The following PTGER4 variants were observed in gnomAD, a reference collection of about 807,000 sequenced individuals.
PTGER4 encodes prostaglandin E receptor 4, also known as prostaglandin E2 receptor EP4 subtype.
A neutral mutation model predicts 33.2 loss-of-function variants in PTGER4; 11 were observed. The observed-to-expected ratio is 0.33, with a 90% confidence interval of 0.21 to 0.55. The LOEUF (loss-of-function observed/expected upper bound fraction) is 0.55, where lower values mean the gene tolerates loss of function less well. PTGER4 is among the 20% of genes least tolerant of loss of function. PTGER4 has a pLI of 0.92. For synonymous variants in PTGER4, 275 were observed against 281.5 expected, an observed-to-expected ratio of 0.98 and a Z score of 0.23; for missense variants, 481 against 650.2, an observed-to-expected ratio of 0.74 and a Z score of 2.83.
chr5:40,737,263 C>T, the PTGER4 span, among the ~76,000 whole-genome samples: 1 of 151,796 alleles, frequency 6.6e-6, no homozygotes, highest in East Asian at 1.9e-4. Flanking sequence ...TGCTACTGCA[C>T]TCCAGCCGCC....
the PTGER4 span, among the ~76,000 whole-genome samples, chr5:40,734,633 A>G: frequency 1.3e-5 from 2 of 152,344 alleles, no homozygotes; most frequent in African/African-American, 2.4e-5. Context: ...TTTACTCCCA[A>G]TTAGACTTCT....
intron 2 of PTGER4, among the ~76,000 whole-genome samples, chr5:40,690,464 T>C (rs1208156761): frequency 2.0e-5 from 3 of 152,266 alleles, no homozygotes; most frequent in Middle Eastern, 3.2e-3. Context: ...TGTTGACATA[T>C]CATTTCATTC....
chr5:40,735,347 G>A, the PTGER4 span, among the ~76,000 whole-genome samples: 1 of 152,120 alleles, frequency 6.6e-6, no homozygotes, highest in Non-Finnish European at 1.5e-5. Flanking sequence ...ATTTAGGTAT[G>A]AGATAACCCT....
chr5:40,738,534 A>AAATAC, the PTGER4 span, among the ~76,000 whole-genome samples: 33 of 135,376 alleles, frequency 2.4e-4, no homozygotes, highest in African/African-American at 6.8e-4. Flanking sequence ...AAATACAATA[A>AAATAC]AATACAATAA....
the PTGER4 span, among the ~76,000 whole-genome samples, chr5:40,726,308 G>A: frequency 6.6e-6 from 1 of 151,508 alleles, no homozygotes. Flanking sequence ...CCCAACTACT[G>A]ACTTTTAATT....
chr5:40,716,621 C>G, the PTGER4 span: 1 of 649,946 alleles, frequency 1.5e-6, no homozygotes, highest in African/African-American at 1.8e-5. Context: ...TCTTAATGTA[C>G]TAGAACACAA....
At chr5:40,744,493 T>TG in the PTGER4 span, among the ~76,000 whole-genome samples, 1 of 151,402 alleles carries the variant, frequency 6.6e-6, no homozygotes, top group Admixed American at 6.6e-5. Flanking sequence ...ACCAGTTTTT[T>TG]TTTTTTTTTT....
rs45511800 is a variant in PTGER4, at chr5:40,690,022, C to CA, written c.868-1748dup. On this transcript the variant is annotated intron_variant, in intron 2 of 2. Coordinates refer to ENST00000302472, the MANE Select transcript of PTGER4 (RefSeq NM_000958.3). ...AGTGGAATTAGAAGTAATATCTAGG[C>CA]AAAAAAAAATCATAATACTTTAAGA... 4.0e-3 allele frequency among the ~76,000 whole-genome samples: 600 copies of CA among 149,492 alleles called. 1 individual carries two copies. Among genetic ancestry groups the CA allele is most frequent in the Non-Finnish European group, 6.3e-3 (424 of 67,254 alleles).
At chr5:40,730,493 A>G in the PTGER4 span, 1 of 565,434 alleles carries the variant, frequency 1.8e-6, no homozygotes, top group African/African-American at 1.9e-5. Flanking sequence ...TTAAGTACAT[A>G]TAGTTCATTC....
At chr5:40,687,296 C>T (rs1052693343) in intron 2 of PTGER4, among the ~76,000 whole-genome samples, 10 of 152,200 alleles carry the variant, frequency 6.6e-5, no homozygotes, top group African/African-American at 2.4e-4. Flanking sequence ...CCGCCTGCCT[C>T]AGCCTCCCAA....
At chr5:40,696,789 G>T, downstream of PTGER4, 1 of 834,046 alleles carries the variant, frequency 1.2e-6, no homozygotes, top group South Asian at 5.5e-5. Context: ...TCTTGAGAAG[G>T]GGTGAAACAG....
At chr5:40,712,394 C>T in the PTGER4 span, among the ~76,000 whole-genome samples, 1 of 152,110 alleles carries the variant, frequency 6.6e-6, no homozygotes, top group Non-Finnish European at 1.5e-5. Context: ...AAAATAATGT[C>T]CCTCTCCTCT....
At chr5:40,739,242 G>C in the PTGER4 span, among the ~76,000 whole-genome samples, 1 of 152,102 alleles carries the variant, frequency 6.6e-6, no homozygotes, top group Admixed American at 6.5e-5. Flanking sequence ...TAGATTCTTT[G>C]CATTTCCACA....
chr5:40,685,438 A>G, intron 2 of PTGER4: 2 of 985,446 alleles, frequency 2.0e-6, no homozygotes, highest in Non-Finnish European at 2.4e-6. Context: ...ATGTCAGATG[A>G]GTGTGAAGCA....
At chr5:40,695,908 T>C (rs1020158821), downstream of PTGER4, among the ~76,000 whole-genome samples, 1 of 152,096 alleles carries the variant, frequency 6.6e-6, no homozygotes, top group African/African-American at 2.4e-5. Flanking sequence ...ATGGAACTGA[T>C]GCTGGGGACT....
the PTGER4 span, among the ~76,000 whole-genome samples, chr5:40,737,704 G>C: frequency 7.2e-5 from 11 of 152,010 alleles, no homozygotes; most frequent in Non-Finnish European, 1.3e-4. Context: ...GAACATTTTT[G>C]TCAATCCAAA....
chr5:40,722,788 C>T, the PTGER4 span, among the ~76,000 whole-genome samples: 4 of 151,472 alleles, frequency 2.6e-5, no homozygotes, highest in South Asian at 2.1e-4. Flanking sequence ...GGGCAGCCCC[C>T]GCCCAGCCAG....
At position 40,692,423 on chromosome 5, in the gene PTGER4, A is replaced by G. The variant is rs1340742192; in HGVS notation, c.*45A>G. On this transcript the variant is annotated 3_prime_UTR_variant, in exon 3 of 3. Transcript: ENST00000302472. ...AGTACTGTTTCTGGACCCTTATAAAATCCTGTGCAATAGACACATACATGT... is the reference window on the plus strand; with the variant it reads ...AGTACTGTTTCTGGACCCTTATAAAGTCCTGTGCAATAGACACATACATGT... 1 of 1,524,146 alleles carries G rather than the reference A, an allele frequency of 6.6e-7. No individual in the cohort carries two copies. The highest frequency in any genetic ancestry group is 2.1e-5 in the Admixed American group (1 of 47,372). The allele number at this position is 1,524,146 out of a possible 1,614,324, so 94.4% of individuals were successfully genotyped here.
the PTGER4 span, among the ~76,000 whole-genome samples, chr5:40,745,521 C>A: frequency 8.6e-5 from 13 of 151,622 alleles, no homozygotes; most frequent in African/African-American, 3.2e-4. Flanking sequence ...ACGAGATTGT[C>A]CTATTCTTTT....
Sources: gnomAD v4.1 joint callset for allele counts (sites outside exome capture counted in the v4.1 genomes callset) on GRCh38, gnomAD v4.1.1 for gene constraint, MANE v1.5 for transcripts, NCBI Gene and HGNC (gene_info 2026-07-23, HGNC 2026-07-21) for gene names.